The following CSMD1 variants were observed in gnomAD, a reference collection of about 807,000 sequenced individuals.
CSMD1 encodes the protein CUB and sushi domain-containing protein 1.
In CSMD1, 213 loss-of-function variants were observed where a neutral mutation model predicts 417.5. The observed-to-expected ratio is 0.51, with a 90% confidence interval of 0.46 to 0.57. The LOEUF (loss-of-function observed/expected upper bound fraction) is 0.57. Ranked by LOEUF, CSMD1 falls within the 20% of genes least tolerant of loss-of-function variation. The pLI is 0.00. For synonymous variants in CSMD1, 2,862 were observed against 1,736.8 expected, an observed-to-expected ratio of 1.65 and a Z score of -16.11; for missense variants, 6,923 against 4,529.7, an observed-to-expected ratio of 1.53 and a Z score of -15.17.
chr8:3,665,983 T>C (rs561339007), intron 7 of CSMD1, among the ~76,000 whole-genome samples: 2 of 152,140 alleles, frequency 1.3e-5, no homozygotes, highest in Non-Finnish European at 2.9e-5. Context: ...ATTCAAGTGA[T>C]TTTCCTGCCT....
At chr8:4,961,234 T>C (rs75251276) in intron 1 of CSMD1, among the ~76,000 whole-genome samples, 1 of 152,174 alleles carries the variant, frequency 6.6e-6, no homozygotes, top group Non-Finnish European at 1.5e-5. Flanking sequence ...TCCCTAACAC[T>C]TCTGCAGTTA....
chr8:4,770,890 C>A (rs1045666778), intron 1 of CSMD1, among the ~76,000 whole-genome samples: 2 of 152,094 alleles, frequency 1.3e-5, no homozygotes, highest in African/African-American at 4.8e-5. Flanking sequence ...TTAACATTGG[C>A]CTTGACGATG....
intron 3 of CSMD1, among the ~76,000 whole-genome samples, chr8:4,148,847 C>A (rs1214510727): frequency 6.6e-6 from 1 of 152,186 alleles, no homozygotes; most frequent in Non-Finnish European, 1.5e-5. Context: ...GGCTTGTGTC[C>A]TGGGAAAGAT....
chr8:3,869,869 T>C (rs1437079463), intron 5 of CSMD1, among the ~76,000 whole-genome samples: 2 of 151,874 alleles, frequency 1.3e-5, no homozygotes, highest in African/African-American at 4.9e-5. Context: ...TCCTTACTGA[T>C]CTAATTTTGT....
intron 5 of CSMD1, among the ~76,000 whole-genome samples, chr8:3,878,311 A>C (rs1338187352): frequency 1.3e-5 from 2 of 152,166 alleles, no homozygotes; most frequent in African/African-American, 4.8e-5. Context: ...AGTGTATAAT[A>C]TTCTCTACAC....
At chr8:3,622,261 T>G (rs747229641) in intron 7 of CSMD1, among the ~76,000 whole-genome samples, 5 of 152,160 alleles carry the variant, frequency 3.3e-5, no homozygotes, top group Non-Finnish European at 5.9e-5. Flanking sequence ...TCTTCTATAC[T>G]ACCTCAAGCA....
At chr8:4,093,384 T>C (rs906033376) in intron 3 of CSMD1, among the ~76,000 whole-genome samples, 2 of 152,160 alleles carry the variant, frequency 1.3e-5, no homozygotes, top group South Asian at 2.1e-4. Flanking sequence ...AACGTGATAT[T>C]TAGAAAGCCA....
At chr8:2,950,110 T>A in intron 67 of CSMD1, 121 bp downstream of exon 67, 1 of 642,758 alleles carries the variant, frequency 1.6e-6, no homozygotes, top group Non-Finnish European at 2.8e-6. Context: ...GGCAGCTGAG[T>A]TTTCAAGGGG....
At chr8:4,690,875 C>T (rs368685642) in intron 1 of CSMD1, among the ~76,000 whole-genome samples, 13 of 152,148 alleles carry the variant, frequency 8.5e-5, no homozygotes, top group Admixed American at 3.9e-4. Context: ...ACTATAGGTG[C>T]ATGTCACCAT....
chr8:4,728,463 T>C (rs996234478), intron 1 of CSMD1, among the ~76,000 whole-genome samples: 25 of 152,046 alleles, frequency 1.6e-4, no homozygotes, highest in African/African-American at 5.1e-4. Context: ...TGAACGTATA[T>C]TGCACAGCAG....
intron 2 of CSMD1, among the ~76,000 whole-genome samples, chr8:4,521,778 C>G (rs1011745631): frequency 2.6e-5 from 4 of 152,098 alleles, no homozygotes; most frequent in Admixed American, 6.6e-5. Flanking sequence ...TCACTGGATA[C>G]TTAAGTGTGA....
Position 3,926,053 on chromosome 8 carries a change from TACACAC to T in CSMD1, c.818+71844_818+71849del, listed in dbSNP as rs35557551. Among the ~76,000 whole-genome samples, 164 of 87,886 alleles carry T rather than the reference TACACAC, an allele frequency of 1.9e-3. 5 individuals carry two copies. The South Asian group carries it at 0.037, about 20-fold the overall frequency. 57.7% of individuals were successfully genotyped at this position (87,886 alleles called of 152,430 possible). On this transcript the variant is annotated intron_variant, in intron 5 of 69. Transcript: ENST00000635120. ...CACACACACACACACAAACACCATA[TACACAC>T]ACACACACACACACAAACACCATAC...
Position 2,939,609 on chromosome 8 carries a change from T to G in CSMD1, c.10536-865A>C, listed in dbSNP as rs568395896. 3.3e-4 allele frequency among the ~76,000 whole-genome samples: 50 copies of G among 152,304 alleles called. 1 individual carries two copies. Among genetic ancestry groups the G allele is most frequent in the African/African-American group, 1.2e-3 (49 of 41,582 alleles). On this transcript the variant is annotated intron_variant, in intron 69 of 69. Transcript: ENST00000635120. Reference sequence around the variant, plus strand: ...CCACGTGGCAAAACCAGAAATTTAATGTACATAAGCACGCTCGCAAAAACA... The same window carrying G: ...CCACGTGGCAAAACCAGAAATTTAAGGTACATAAGCACGCTCGCAAAAACA...
intron 5 of CSMD1, among the ~76,000 whole-genome samples, chr8:3,924,614 A>G (rs1175147129): frequency 1.3e-5 from 2 of 152,180 alleles, no homozygotes; most frequent in East Asian, 1.9e-4. Flanking sequence ...TATTTCACTA[A>G]TTCTATTTTC....
chr8:2,991,857 A>G (rs1315610565), intron 54 of CSMD1, among the ~76,000 whole-genome samples: 1 of 152,194 alleles, frequency 6.6e-6, no homozygotes, highest in African/African-American at 2.4e-5. Context: ...AATTCCACCT[A>G]TTACAAAGAA....
At chr8:3,657,485 C>T (rs951831062) in intron 7 of CSMD1, among the ~76,000 whole-genome samples, 5 of 152,078 alleles carry the variant, frequency 3.3e-5, no homozygotes, top group African/African-American at 1.2e-4. Context: ...GAAAATGTGT[C>T]ACATATACAC....
rs541533013 is a variant in CSMD1 at position 3,830,368 on chromosome 8, T to C, written c.819-76326A>G. Among the ~76,000 whole-genome samples, 9 of 152,310 alleles carry C rather than the reference T, an allele frequency of 5.9e-5. 1 individual carries two copies. The South Asian group carries it at 1.7e-3, about 28-fold the overall frequency. On this transcript the variant is annotated intron_variant, in intron 5 of 69. Coordinates refer to ENST00000635120, the MANE Select transcript of CSMD1 (RefSeq NM_033225.6). ...TTCACATCTCTGCTCAGAGGTTGCT[T>C]TCCCTCAAGGAGACGTTACCTGGAC...
At chr8:3,502,174 C>T (rs1250971362) in intron 10 of CSMD1, among the ~76,000 whole-genome samples, 3 of 151,878 alleles carry the variant, frequency 2.0e-5, no homozygotes, top group African/African-American at 7.3e-5. Context: ...ACCATACTGG[C>T]TAACGTGGTG....
intron 6 of CSMD1, among the ~76,000 whole-genome samples, chr8:3,726,396 G>T (rs146144068): frequency 8.5e-5 from 13 of 152,298 alleles, no homozygotes; most frequent in African/African-American, 3.1e-4. Flanking sequence ...TATAATATAA[G>T]TCTCTATAAT....
Sources: gnomAD v4.1 joint callset for allele counts (sites outside exome capture counted in the v4.1 genomes callset) on GRCh38, gnomAD v4.1.1 for gene constraint, MANE v1.5 for transcripts, NCBI Gene and HGNC (gene_info 2026-07-23, HGNC 2026-07-21) for gene names.